GRM4: variants seen among roughly 807,000 people sequenced by gnomAD.
GRM4 encodes metabotropic glutamate receptor 4.
GRM4 carries 28 observed loss-of-function variants against 81.7 expected under a neutral mutation model. The ratio of observed to expected loss-of-function variants is 0.34; its 90% CI spans 0.25 to 0.47. GRM4 has a LOEUF of 0.47. GRM4 is among the 20% of genes least tolerant of loss of function. The pLI, the probability that GRM4 is intolerant of heterozygous loss-of-function variation, is 1.00. For synonymous variants in GRM4, 488 were observed against 528.8 expected, an observed-to-expected ratio of 0.92 and a Z score of 1.06; for missense variants, 948 against 1,290.0, an observed-to-expected ratio of 0.73 and a Z score of 4.06.
chr6:34,129,217 G>A (rs1770143752), intron 2 of GRM4, among the ~76,000 whole-genome samples: 1 of 152,148 alleles, frequency 6.6e-6, no homozygotes. Flanking sequence ...GTTTCACCAT[G>A]TTGTCCAGGC....
At chr6:34,097,429 C>CTG (rs759998974) in intron 2 of GRM4, among the ~76,000 whole-genome samples, 1,265 of 35,330 alleles carry the variant, frequency 0.036, 11 homozygotes, top group Middle Eastern at 0.15. Flanking sequence ...GTGTGCATGC[C>CTG]TGTGTGTGTG....
At position 34,089,933 on chromosome 6, in the gene GRM4, CAGAAGACAG is replaced by C. The variant is rs1391964077; in HGVS notation, c.736+1941_736+1949del. Among the ~76,000 whole-genome samples the C allele has an allele frequency of 4.6e-5, 7 of 152,178 alleles. No individual in the cohort carries two copies. The highest frequency in any genetic ancestry group is 8.8e-5 in the Non-Finnish European group (6 of 68,040). On this transcript the variant is annotated intron_variant, in intron 3 of 10. Transcript: ENST00000538487. The surrounding 1 kb of genome is among the most constrained non-coding windows in gnomAD (Gnocchi z 4.3). Reference sequence around the variant, plus strand: ...TGGGTCTCAGTGAGCACGCAAATGACAGAAGACAGAGAAGACAAGAGTACAGAAACAGAT... The same window carrying C: ...TGGGTCTCAGTGAGCACGCAAATGACAGAAGACAAGAGTACAGAAACAGAT...
intron 3 of GRM4, among the ~76,000 whole-genome samples, chr6:34,072,753 C>A (rs899678209): frequency 1.5e-5 from 2 of 135,680 alleles, no homozygotes; most frequent in Non-Finnish European, 3.1e-5. Context: ...ACAATCACCA[C>A]ACACCACACA....
chr6:34,107,511 C>T (rs866083614), intron 2 of GRM4, among the ~76,000 whole-genome samples: 7 of 152,126 alleles, frequency 4.6e-5, no homozygotes, highest in Non-Finnish European at 8.8e-5. Context: ...GACCGAGAGG[C>T]GATGGGGATG....
rs535354834 is a variant in GRM4, at chr6:34,098,912, G to T, written c.520-6813C>A. Among the ~76,000 whole-genome samples, 15 of 152,232 alleles carry T rather than the reference G, an allele frequency of 9.9e-5. No individual in the cohort carries two copies. The South Asian group carries it at 3.1e-3, about 32-fold the overall frequency. On this transcript the variant is annotated intron_variant, in intron 2 of 10. Coordinates refer to ENST00000538487, the MANE Select transcript of GRM4 (RefSeq NM_000841.4). ...GGGGTGCCCAGAGGTGCAAGAGATG[G>T]GGTTGCCAGCTGCCCTTCCCTCCCT...
intron 1 of GRM4, among the ~76,000 whole-genome samples, chr6:34,145,211 GCAGCGCTGACGCTGCGGACC>G (rs1770876994): frequency 1.3e-5 from 2 of 151,606 alleles, no homozygotes; most frequent in Admixed American, 1.3e-4. Flanking sequence ...GCCGCGGCGG[GCAGCGCTGACGCTGCGGACC>G]CAGCGCGCCG....
intron 4 of GRM4, chr6:34,061,319 G>C (rs982351201): frequency 2.0e-5 from 3 of 152,234 alleles, no homozygotes; most frequent in Non-Finnish European, 4.4e-5. Flanking sequence ...CTGAGCCTAA[G>C]CCAAGACTAG....
At chr6:34,135,039 C>A (rs991696112) in intron 1 of GRM4, among the ~76,000 whole-genome samples, 1 of 152,086 alleles carries the variant, frequency 6.6e-6, no homozygotes, top group African/African-American at 2.4e-5. Context: ...CCCCCTTCCC[C>A]AGGGGTTTGT....
chr6:34,095,057 G>A (rs1417893063), intron 2 of GRM4, among the ~76,000 whole-genome samples: 1 of 152,222 alleles, frequency 6.6e-6, no homozygotes, highest in Non-Finnish European at 1.5e-5. Context: ...CTGGCCCACG[G>A]CACACACTGC....
At chr6:34,087,320 G>A (rs1007200390) in intron 3 of GRM4, among the ~76,000 whole-genome samples, 12 of 151,796 alleles carry the variant, frequency 7.9e-5, no homozygotes, top group African/African-American at 2.9e-4. Flanking sequence ...TTGGGAGGCT[G>A]AGGCAGGAGA....
intron 3 of GRM4, among the ~76,000 whole-genome samples, chr6:34,087,699 ACCC>A (rs112740380): frequency 4.6e-5 from 4 of 86,160 alleles, no homozygotes; most frequent in Non-Finnish European, 5.5e-5. Flanking sequence ...CACACACACA[ACCC>A]CCCCCCCACA....
chr6:34,132,505 C>T (rs1323200840), intron 2 of GRM4, among the ~76,000 whole-genome samples: 1 of 152,242 alleles, frequency 6.6e-6, no homozygotes, highest in African/African-American at 2.4e-5. Context: ...AAACAAAAGT[C>T]TTGCTTTTTC....
chr6:34,043,908 T>C (rs1366700438), intron 6 of GRM4, among the ~76,000 whole-genome samples: 4 of 152,126 alleles, frequency 2.6e-5, no homozygotes, highest in African/African-American at 9.7e-5. Context: ...CAGCGTGGAC[T>C]TCTAGCAACT....
At chr6:34,127,203 G>T (rs113627597) in intron 2 of GRM4, among the ~76,000 whole-genome samples, 1 of 152,136 alleles carries the variant, frequency 6.6e-6, no homozygotes, top group African/African-American at 2.4e-5. Context: ...TGTGATGAGC[G>T]CCATCAAGGA....
chr6:34,119,403 A>AAG (rs3041247), intron 2 of GRM4, among the ~76,000 whole-genome samples: 1 of 151,386 alleles, frequency 6.6e-6, no homozygotes, highest in Non-Finnish European at 1.5e-5. Context: ...GAAAGAAAGA[A>AAG]AGAGAGAGAG....
intron 3 of GRM4, among the ~76,000 whole-genome samples, chr6:34,088,104 T>C (rs536483863): frequency 9.3e-4 from 141 of 152,092 alleles, no homozygotes; most frequent in African/African-American, 2.8e-3. Flanking sequence ...AGCTCCCGCC[T>C]GTATGTGCCA....
rs1272062843 is a variant in GRM4, at chr6:34,064,918, C to G, written c.737-2890G>C. On this transcript the variant is annotated intron_variant, in intron 3 of 10. Coordinates refer to ENST00000538487, the MANE Select transcript of GRM4 (RefSeq NM_000841.4). This position sits in a 1 kb window ranked among gnomAD's most constrained non-coding sequence, Gnocchi z 4.4. Reference sequence around the variant, plus strand: ...GCTAAATAGCCTAACCAAGGTCACACAGCCAGTCAGTGGGACTGCAATCCT... The same window carrying G: ...GCTAAATAGCCTAACCAAGGTCACAGAGCCAGTCAGTGGGACTGCAATCCT... 6.6e-6 allele frequency among the ~76,000 whole-genome samples: 1 copy of G among 152,202 alleles called. No homozygotes were observed. The highest frequency in any genetic ancestry group is 1.5e-5 in the Non-Finnish European group (1 of 68,020).
intron 1 of GRM4, among the ~76,000 whole-genome samples, chr6:34,139,485 G>A (rs1770591636): frequency 6.6e-6 from 1 of 152,190 alleles, no homozygotes; most frequent in Non-Finnish European, 1.5e-5. Context: ...CCTTCAAGAA[G>A]CAGCTGAGAT....
chr6:34,110,186 C>A (rs1193861858), intron 2 of GRM4, among the ~76,000 whole-genome samples: 1 of 151,664 alleles, frequency 6.6e-6, no homozygotes, highest in Non-Finnish European at 1.5e-5. Flanking sequence ...TCCAGCTACT[C>A]GGGAAGCTGA....
Sources: gnomAD v4.1 joint callset for allele counts (sites outside exome capture counted in the v4.1 genomes callset) on GRCh38, gnomAD v4.1.1 for gene constraint, Gnocchi (gnomAD v3.1) non-coding constraint, MANE v1.5 for transcripts, NCBI Gene and HGNC (gene_info 2026-07-23, HGNC 2026-07-21) for gene names.